Variants in PRKCE observed in about 807,000 individuals in gnomAD.
The protein encoded by PRKCE is protein kinase C epsilon.
Under a neutral mutation model 85.4 loss-of-function variants are expected in PRKCE, and 16 were observed. That is an observed-to-expected ratio of 0.19 (90% confidence interval 0.13 to 0.28). The LOEUF is 0.28. PRKCE is among the 10% of genes least tolerant of loss of function. The pLI, the probability that PRKCE is intolerant of heterozygous loss-of-function variation, is 1.00. For synonymous variants in PRKCE, 388 were observed against 371.5 expected (o/e 1.04, Z -0.51); for missense variants, 573 against 975.2 (o/e 0.59, Z 5.49).
intron 1 of PRKCE, among the ~76,000 whole-genome samples, chr2:45,810,024 T>A (rs1688541553): frequency 6.7e-6 from 1 of 148,808 alleles, no homozygotes; most frequent in African/African-American, 2.5e-5. Flanking sequence ...GGCAGCAGGA[T>A]AGAGAGAAGG....
rs565848895 is a variant in PRKCE at position 46,028,155 on chromosome 2, C to T, written c.1437+17638C>T. ...CGGGGTTTTGCCATGCTGGCCAGGCCGGTCTCAAACTCTTGACCTCAAGTG... is the reference window on the plus strand; with the variant it reads ...CGGGGTTTTGCCATGCTGGCCAGGCTGGTCTCAAACTCTTGACCTCAAGTG... On this transcript the variant is annotated intron_variant, in intron 10 of 14. Transcript: ENST00000306156. 2.4e-4 allele frequency among the ~76,000 whole-genome samples: 37 copies of T among 152,064 alleles called. 1 individual carries two copies. Among genetic ancestry groups the T allele is most frequent in the African/African-American group, 7.7e-4 (32 of 41,508 alleles).
chr2:45,922,285 C>T (rs1017645275), intron 2 of PRKCE, among the ~76,000 whole-genome samples: 1 of 152,142 alleles, frequency 6.6e-6, no homozygotes, highest in African/African-American at 2.4e-5. Context: ...CATTAGCTTT[C>T]CTATCATATG....
At chr2:46,118,036 A>G (rs936449641) in intron 11 of PRKCE, among the ~76,000 whole-genome samples, 2 of 152,234 alleles carry the variant, frequency 1.3e-5, no homozygotes, top group African/African-American at 2.4e-5. Context: ...TGAAATCATG[A>G]TGCTGAATTA....
intron 2 of PRKCE, among the ~76,000 whole-genome samples, chr2:45,949,474 A>G (rs556681360): frequency 1.7e-5 from 2 of 121,044 alleles, no homozygotes; most frequent in East Asian, 4.5e-4. Flanking sequence ...ACATTGAACT[A>G]AATCTGAGTC....
rs373578947 is a variant in PRKCE, at chr2:45,861,332, C to A, written c.412+18269C>A. Among the ~76,000 whole-genome samples the A allele has an allele frequency of 1.1e-3, 165 of 152,274 alleles. 2 individuals are homozygous for A. The highest frequency in any genetic ancestry group is 3.7e-3 in the African/African-American group (154 of 41,550). ...TTTCATGCATGTAGTTTATAACACA[C>A]TGAGTTATGCTGAACACAGTGAAAA... On this transcript the variant is annotated intron_variant, in intron 2 of 14. Transcript: ENST00000306156.
intron 11 of PRKCE, among the ~76,000 whole-genome samples, chr2:46,129,187 G>A (rs977463469): frequency 2.0e-5 from 3 of 152,118 alleles, no homozygotes; most frequent in East Asian, 1.9e-4. Flanking sequence ...CACATGAGGC[G>A]CACTAGTAAA....
At chr2:45,915,561 A>T (rs1697704726) in intron 2 of PRKCE, among the ~76,000 whole-genome samples, 1 of 152,184 alleles carries the variant, frequency 6.6e-6, no homozygotes, top group Non-Finnish European at 1.5e-5. Context: ...TTTCTACCTG[A>T]GGAGTAGACA....
At chr2:45,805,614 TAGAC>T (rs1314184525) in intron 1 of PRKCE, among the ~76,000 whole-genome samples, 1 of 146,276 alleles carries the variant, frequency 6.8e-6, no homozygotes, top group Non-Finnish European at 1.5e-5. Context: ...TTTTTTTTGT[TAGAC>T]AGAGTTTCAT....
At chr2:46,019,907 C>T (rs1025706744) in intron 10 of PRKCE, among the ~76,000 whole-genome samples, 20 of 137,008 alleles carry the variant, frequency 1.5e-4, no homozygotes, top group Non-Finnish European at 2.7e-4. Flanking sequence ...TGGAGTGCAA[C>T]GGCGCAATCT....
chr2:45,872,930 A>G (rs1558778447), intron 2 of PRKCE, among the ~76,000 whole-genome samples: 2 of 152,200 alleles, frequency 1.3e-5, no homozygotes, highest in Non-Finnish European at 2.9e-5. Flanking sequence ...CAAGGAGAGC[A>G]TGACACCTGG....
intron 6 of PRKCE, among the ~76,000 whole-genome samples, chr2:46,000,181 T>C (rs1704557454): frequency 6.6e-6 from 1 of 151,912 alleles, no homozygotes; most frequent in Non-Finnish European, 1.5e-5. Context: ...TTAGGATGCC[T>C]TACAGTTTTT....
At chr2:45,712,073 C>T (rs1251898325) in intron 1 of PRKCE, among the ~76,000 whole-genome samples, 1 of 151,406 alleles carries the variant, frequency 6.6e-6, no homozygotes, top group African/African-American at 2.4e-5. Context: ...ATCTTCTCCA[C>T]ACTGTCTGTG....
intron 10 of PRKCE, chr2:46,078,682 C>A (rs979180413): frequency 6.6e-6 from 1 of 152,184 alleles, no homozygotes; most frequent in African/African-American, 2.4e-5. Context: ...TCACACCTAC[C>A]TTCCTCATTC....
intron 1 of PRKCE, among the ~76,000 whole-genome samples, chr2:45,704,024 C>G (rs1258083891): frequency 6.6e-6 from 1 of 152,204 alleles, no homozygotes; most frequent in Non-Finnish European, 1.5e-5. Context: ...ACCCATTCAT[C>G]TATCCATTAA....
chr2:45,722,028 G>A (rs1007138318), intron 1 of PRKCE, among the ~76,000 whole-genome samples: 1 of 151,776 alleles, frequency 6.6e-6, no homozygotes, highest in Non-Finnish European at 1.5e-5. Flanking sequence ...GAGAGTTTCT[G>A]TTTATTTGGG....
At chr2:45,693,619 G>A (rs142582641) in intron 1 of PRKCE, among the ~76,000 whole-genome samples, 1 of 152,310 alleles carries the variant, frequency 6.6e-6, no homozygotes, top group Non-Finnish European at 1.5e-5. Context: ...GAGGCTGTCG[G>A]ATCTGACAGC....
intron 1 of PRKCE, among the ~76,000 whole-genome samples, chr2:45,771,702 C>CGTGTGTGTGT (rs61209033): frequency 0.032 from 4,692 of 146,848 alleles, 114 homozygotes; most frequent in South Asian, 0.053. Flanking sequence ...CAGAGTGGGG[C>CGTGTGTGTGT]GTGTGTGTGT....
intron 11 of PRKCE, among the ~76,000 whole-genome samples, chr2:46,101,413 A>G (rs7568264): frequency 0.67 from 101,465 of 152,130 alleles, 36,682 homozygotes; most frequent in East Asian, 0.97. Context: ...AGAGTTGGCC[A>G]GAGAAAGAGG....
At chr2:45,758,281 T>G (rs1001048997) in intron 1 of PRKCE, among the ~76,000 whole-genome samples, 1 of 152,242 alleles carries the variant, frequency 6.6e-6, no homozygotes, top group Non-Finnish European at 1.5e-5. Context: ...ATTAAATGAA[T>G]TACTGCATGA....
Sources: gnomAD v4.1 joint callset for allele counts (sites outside exome capture counted in the v4.1 genomes callset) on GRCh38, gnomAD v4.1.1 for gene constraint, MANE v1.5 for transcripts, NCBI Gene and HGNC (gene_info 2026-07-23, HGNC 2026-07-21) for gene names.